Variants in MAPK10 observed in about 807,000 individuals in gnomAD.
MAPK10 encodes mitogen-activated protein kinase 10, also known as JNK3 alpha protein kinase.
A neutral mutation model predicts 59.3 loss-of-function variants in MAPK10; 25 were observed. The observed-to-expected ratio is 0.42, with a 90% CI of 0.31 to 0.59. The LOEUF (loss-of-function observed/expected upper bound fraction) is 0.59. Ranked by LOEUF, MAPK10 falls within the 20% of genes least tolerant of loss-of-function variation. The pLI, the probability that MAPK10 is intolerant of heterozygous loss-of-function variation, is 0.15. For missense variants in MAPK10, 351 were observed against 568.9 expected (o/e 0.62, Z 3.90); for synonymous variants, 190 against 200.5 (o/e 0.95, Z 0.44).
intron 1 of MAPK10, among the ~76,000 whole-genome samples, chr4:86,544,164 T>A (rs1351327984): frequency 6.6e-6 from 1 of 152,168 alleles, no homozygotes; most frequent in East Asian, 1.9e-4. Flanking sequence ...CCACAAGAGA[T>A]TAAGTCATTA....
At chr4:86,080,910 TAGTA>T (rs896187063) in intron 9 of MAPK10, 8 of 152,130 alleles carry the variant, frequency 5.3e-5, no homozygotes, top group African/African-American at 1.9e-4. Flanking sequence ...TTTTTAAAGT[TAGTA>T]AGCCAATTCT....
intron 11 of MAPK10, among the ~76,000 whole-genome samples, chr4:86,034,805 G>T (rs970280951): frequency 1.3e-5 from 2 of 152,092 alleles, no homozygotes; most frequent in Admixed American, 6.6e-5. Flanking sequence ...AAGATGTGTG[G>T]GAGGTTGTCA....
At chr4:86,366,482 T>A (rs530486963) in intron 1 of MAPK10, among the ~76,000 whole-genome samples, 1 of 152,216 alleles carries the variant, frequency 6.6e-6, no homozygotes, top group East Asian at 1.9e-4. Context: ...TAAGTTAGGG[T>A]TCCTAAACCT....
At chr4:86,244,744 T>C (rs1319339890) in intron 2 of MAPK10, among the ~76,000 whole-genome samples, 3 of 152,208 alleles carry the variant, frequency 2.0e-5, no homozygotes, top group Non-Finnish European at 4.4e-5. Context: ...CCATAAAATG[T>C]TAGCAACCAA....
chr4:86,354,608 C>A lies in MAPK10; in HGVS notation c.-85G>T, dbSNP rs1733467468. On this transcript the variant is annotated 5_prime_UTR_variant, in exon 2 of 14. Transcript: ENST00000641462. ...TTGCATAAGTTGCCATAGTGAAGAT[C>A]TGAGATGGGCCTGCTGTTGGTGTTT... 1 of 1,231,032 alleles carries A rather than the reference C, an allele frequency of 8.1e-7. No individual in the cohort carries two copies. The highest frequency in any genetic ancestry group is 1.0e-6 in the Non-Finnish European group (1 of 987,080). 76.3% of individuals were successfully genotyped at this position (1,231,032 alleles called of 1,614,324 possible). A position where few individuals can be genotyped will look rare whatever the true frequency, so the allele number is the denominator to read the frequency against.
intron 1 of MAPK10, among the ~76,000 whole-genome samples, chr4:86,423,118 A>C (rs1746752796): frequency 6.6e-6 from 1 of 152,194 alleles, no homozygotes; most frequent in Non-Finnish European, 1.5e-5. Flanking sequence ...ATCACAATGC[A>C]GTCAAAATAC....
chr4:86,177,439 A>T (rs1767892876), intron 3 of MAPK10, among the ~76,000 whole-genome samples: 1 of 152,114 alleles, frequency 6.6e-6, no homozygotes, highest in African/African-American at 2.4e-5. Context: ...CATCCAATGA[A>T]GTATAAAATT....
At chr4:86,250,717 T>G (rs1352057123) in intron 2 of MAPK10, among the ~76,000 whole-genome samples, 1 of 152,056 alleles carries the variant, frequency 6.6e-6, no homozygotes, top group East Asian at 1.9e-4. Context: ...TTTCTGAAAA[T>G]CTAGTCATGT....
chr4:86,202,729 A>G (rs1331941006), intron 2 of MAPK10, among the ~76,000 whole-genome samples: 2 of 151,892 alleles, frequency 1.3e-5, no homozygotes, highest in Non-Finnish European at 2.9e-5. Flanking sequence ...AACATCCAGC[A>G]CCACCGCCCC....
chr4:86,574,521 AAC>A (rs1275649079), intron 1 of MAPK10, among the ~76,000 whole-genome samples: 1 of 151,826 alleles, frequency 6.6e-6, no homozygotes, highest in East Asian at 1.9e-4. Flanking sequence ...CAGTCCCACC[AAC>A]GGTGTAAAAG....
chr4:86,174,363 A>T (rs116393568), intron 3 of MAPK10, among the ~76,000 whole-genome samples: 1 of 152,218 alleles, frequency 6.6e-6, no homozygotes, highest in Non-Finnish European at 1.5e-5. Context: ...GCAAACTAAC[A>T]TAGGAATAGA....
chr4:86,341,553 T>A (rs1328627135), intron 2 of MAPK10, among the ~76,000 whole-genome samples: 1 of 152,190 alleles, frequency 6.6e-6, no homozygotes, highest in Non-Finnish European at 1.5e-5. Context: ...ACAAACTTTT[T>A]AGATCCCTTA....
intron 2 of MAPK10, among the ~76,000 whole-genome samples, chr4:86,198,525 A>G (rs1228196501): frequency 2.0e-5 from 3 of 152,090 alleles, no homozygotes; most frequent in Admixed American, 1.3e-4. Context: ...TGAACTTGCA[A>G]GTAAGGTAAC....
intron 2 of MAPK10, among the ~76,000 whole-genome samples, chr4:86,323,778 T>C (rs1375085042): frequency 6.6e-6 from 1 of 152,206 alleles, no homozygotes; most frequent in East Asian, 1.9e-4. Context: ...AAAAGTCGAT[T>C]TCAGAATAAT....
At chr4:86,528,695 ACCACAC>A (rs942429498) in intron 1 of MAPK10, among the ~76,000 whole-genome samples, 3 of 152,242 alleles carry the variant, frequency 2.0e-5, no homozygotes, top group Admixed American at 1.3e-4. Flanking sequence ...GGCATGTACC[ACCACAC>A]CCAACTTAGA....
At chr4:86,170,323 G>A (rs890362971) in intron 3 of MAPK10, among the ~76,000 whole-genome samples, 5 of 152,016 alleles carry the variant, frequency 3.3e-5, no homozygotes, top group African/African-American at 4.8e-5. Context: ...CCCATCTCAC[G>A]TGCAGAAACA....
At chr4:86,434,372 G>A (rs886976651) in intron 1 of MAPK10, among the ~76,000 whole-genome samples, 16 of 152,226 alleles carry the variant, frequency 1.1e-4, no homozygotes, top group Middle Eastern at 3.4e-3. Context: ...CAGAATGGGA[G>A]AAAACATTTG....
intron 1 of MAPK10, among the ~76,000 whole-genome samples, chr4:86,552,479 G>C (rs1323286290): frequency 1.8e-5 from 1 of 54,994 alleles, no homozygotes; most frequent in Admixed American, 1.7e-4. Flanking sequence ...GAGGGAGGGA[G>C]GGAGGGAGGG....
At chr4:86,177,180 C>T (rs2075878905) in intron 3 of MAPK10, among the ~76,000 whole-genome samples, 1 of 152,102 alleles carries the variant, frequency 6.6e-6, no homozygotes. Flanking sequence ...GTTCAACCTG[C>T]TGATCCCCTT....
Sources: allele counts gnomAD v4.1 joint callset (sites outside exome capture counted in the v4.1 genomes callset), GRCh38; gene constraint gnomAD v4.1.1; transcripts MANE v1.5; gene names NCBI Gene and HGNC (gene_info 2026-07-23, HGNC 2026-07-21).